Variants in PRKG1 observed in about 807,000 individuals in gnomAD.
The protein encoded by PRKG1 is protein kinase cGMP-dependent 1, also known as cGMP-dependent protein kinase 1.
PRKG1 carries 35 observed loss-of-function variants against 88.1 expected under a neutral mutation model. The ratio of observed to expected loss-of-function variants is 0.40; its 90% CI spans 0.30 to 0.53. The LOEUF is 0.53. Among genes scored for constraint, PRKG1 ranks in the 20% least tolerant of loss-of-function variants. The pLI is 0.59. For synonymous variants in PRKG1, 303 were observed against 292.5 expected (o/e 1.04, Z -0.37); for missense variants, 540 against 839.8 (o/e 0.64, Z 4.41).
chr10:51,605,244 G>A (rs1054426044), intron 3 of PRKG1, among the ~76,000 whole-genome samples: 1 of 152,110 alleles, frequency 6.6e-6, no homozygotes, highest in African/African-American at 2.4e-5. Flanking sequence ...GCACAGGATG[G>A]GGGGGCATGG....
In PRKG1 at chr10:52,110,219, G is replaced by T. The variant is rs1053054319; in HGVS notation, c.936-23621G>T. On this transcript the variant is annotated intron_variant, in intron 7 of 17. Transcript: ENST00000373980. ...AAAAATTAGCCAGGCGTGGTGGCGG[G>T]TGCCTGTAGTCCCAGCTACTCGGGA... Among the ~76,000 whole-genome samples, 9 of 151,732 alleles carry T rather than the reference G, an allele frequency of 5.9e-5. 1 individual carries two copies. Among genetic ancestry groups the T allele is most frequent in the African/African-American group, 2.2e-4 (9 of 41,098 alleles).
chr10:51,638,310 G>T (rs1039581121), intron 3 of PRKG1, among the ~76,000 whole-genome samples: 1 of 152,130 alleles, frequency 6.6e-6, no homozygotes, highest in Non-Finnish European at 1.5e-5. Flanking sequence ...AGTCACAGCC[G>T]TAAAGACACA....
chr10:51,830,683 T>A (rs2132751345), intron 4 of PRKG1, among the ~76,000 whole-genome samples: 1 of 148,810 alleles, frequency 6.7e-6, no homozygotes, highest in Non-Finnish European at 1.5e-5. Flanking sequence ...TACCTCAGCC[T>A]CCTGAGTAGC....
chr10:51,940,196 T>A (rs1842876989), intron 5 of PRKG1, among the ~76,000 whole-genome samples: 2 of 151,862 alleles, frequency 1.3e-5, no homozygotes, highest in African/African-American at 2.4e-5. Context: ...GAGTGAAAAA[T>A]AAGCCCTTGT....
intron 3 of PRKG1, among the ~76,000 whole-genome samples, chr10:51,582,885 G>A (rs1922138): frequency 0.93 from 140,854 of 152,174 alleles, 65,272 homozygotes; most frequent in East Asian, 1. Context: ...CCATTTAGCT[G>A]TGAGATTATT....
At chr10:51,712,308 G>C (rs1217175791) in intron 3 of PRKG1, among the ~76,000 whole-genome samples, 1 of 152,160 alleles carries the variant, frequency 6.6e-6, no homozygotes, top group Admixed American at 6.5e-5. Flanking sequence ...GGGAAGATCA[G>C]AAAGTCCTTA....
rs550431999 is a variant in PRKG1, at chr10:51,995,248, T to G, written c.763-59236T>G. Among the ~76,000 whole-genome samples the G allele has an allele frequency of 4.2e-4, 64 of 152,170 alleles. 1 individual carries two copies. Among genetic ancestry groups the G allele is most frequent in the African/African-American group, 1.4e-3 (60 of 41,526 alleles). ...ACAAAAAGCTATGGTTAATAAATTT[T>G]GTGTGTGGTAGGTACTTAATCAGAC... On this transcript the variant is annotated intron_variant, in intron 5 of 17. Coordinates refer to ENST00000373980, the MANE Select transcript of PRKG1 (RefSeq NM_006258.4).
intron 2 of PRKG1, among the ~76,000 whole-genome samples, chr10:51,284,393 G>A (rs1381745475): frequency 6.6e-6 from 1 of 152,158 alleles, no homozygotes; most frequent in Non-Finnish European, 1.5e-5. Flanking sequence ...ACTAGCCCAA[G>A]GACACAAAAC....
chr10:52,274,269 AC>A (rs1232739938), intron 12 of PRKG1, among the ~76,000 whole-genome samples: 1 of 141,422 alleles, frequency 7.1e-6, no homozygotes, highest in East Asian at 2.2e-4. Context: ...TCTATCCCTC[AC>A]CCCCCTCCGA....
At chr10:51,350,788 T>C (rs1410468548) in intron 2 of PRKG1, among the ~76,000 whole-genome samples, 2 of 152,172 alleles carry the variant, frequency 1.3e-5, no homozygotes, top group East Asian at 3.9e-4. Flanking sequence ...TAATATACTT[T>C]AAGTTCTGGG....
At chr10:52,094,943 G>A (rs1489875755) in intron 7 of PRKG1, among the ~76,000 whole-genome samples, 2 of 152,186 alleles carry the variant, frequency 1.3e-5, no homozygotes, top group African/African-American at 2.4e-5. Context: ...TTGAATTGGA[G>A]TGTTTTCTTG....
At chr10:52,000,775 A>G (rs985548967) in intron 5 of PRKG1, among the ~76,000 whole-genome samples, 1 of 152,068 alleles carries the variant, frequency 6.6e-6, no homozygotes, top group African/African-American at 2.4e-5. Context: ...GTAAGCAAAA[A>G]TGGTTTAAAG....
chr10:52,212,365 A>G (rs1840001133), intron 9 of PRKG1, among the ~76,000 whole-genome samples: 1 of 152,162 alleles, frequency 6.6e-6, no homozygotes, highest in Non-Finnish European at 1.5e-5. Context: ...CTTTAGGGTG[A>G]ACTTAAAATA....
At chr10:51,997,293 A>G (rs1296722210) in intron 5 of PRKG1, among the ~76,000 whole-genome samples, 1 of 151,990 alleles carries the variant, frequency 6.6e-6, no homozygotes, top group Non-Finnish European at 1.5e-5. Context: ...CAACATGGTG[A>G]AACCCCGTCT....
chr10:52,204,499 G>A (rs1316062676), intron 9 of PRKG1, among the ~76,000 whole-genome samples: 2 of 152,138 alleles, frequency 1.3e-5, no homozygotes, highest in Non-Finnish European at 2.9e-5. Context: ...ACCATAAATT[G>A]TGAAGATTTC....
intron 4 of PRKG1, among the ~76,000 whole-genome samples, chr10:51,816,669 TATTA>T (rs1261124464): frequency 2.6e-5 from 4 of 152,128 alleles, no homozygotes; most frequent in Admixed American, 6.6e-5. Context: ...GATGTAATTT[TATTA>T]TTTACTTTGT....
At chr10:51,784,280 G>A (rs751666189) in intron 3 of PRKG1, among the ~76,000 whole-genome samples, 8 of 152,014 alleles carry the variant, frequency 5.3e-5, no homozygotes, top group Admixed American at 2.0e-4. Context: ...ATTGTGTCTA[G>A]CGTGGAGATG....
intron 2 of PRKG1, among the ~76,000 whole-genome samples, chr10:51,333,401 T>C (rs909140661): frequency 6.6e-6 from 1 of 152,256 alleles, no homozygotes; most frequent in African/African-American, 2.4e-5. Flanking sequence ...AGGAAGATAC[T>C]GTTATCACCC....
intron 2 of PRKG1, among the ~76,000 whole-genome samples, chr10:51,367,707 C>G (rs1370365286): frequency 2.6e-5 from 4 of 151,964 alleles, no homozygotes; most frequent in African/African-American, 9.7e-5. Flanking sequence ...AAAGTCTCTA[C>G]CAATTTTGAG....
Sources: allele counts gnomAD v4.1 joint callset (sites outside exome capture counted in the v4.1 genomes callset), GRCh38; gene constraint gnomAD v4.1.1; transcripts MANE v1.5; gene names NCBI Gene and HGNC (gene_info 2026-07-23, HGNC 2026-07-21).